The following ARHGEF3 variants were observed in gnomAD, a reference collection of about 807,000 sequenced individuals.
ARHGEF3 encodes the protein Rho guanine nucleotide exchange factor 3, also known as 59.8 kDA protein.
Under a neutral mutation model 63.2 loss-of-function variants are expected in ARHGEF3, and 28 were observed. That is an observed-to-expected ratio of 0.44 (90% confidence interval 0.33 to 0.61). The LOEUF (loss-of-function observed/expected upper bound fraction) is 0.61. Among genes scored for constraint, ARHGEF3 ranks in the 20% least tolerant of loss-of-function variants. ARHGEF3 has a pLI of 0.03. For missense variants in ARHGEF3, 533 were observed against 659.3 expected (o/e 0.81, Z 2.10); for synonymous variants, 266 against 254.2 (o/e 1.05, Z -0.44).
intron 2 of ARHGEF3, among the ~76,000 whole-genome samples, chr3:57,019,542 T>C (rs1703160542): frequency 6.6e-6 from 1 of 152,178 alleles, no homozygotes; most frequent in Admixed American, 6.5e-5. Context: ...GCAGAAAAGC[T>C]TGTCCCTTAA....
intron 2 of ARHGEF3, among the ~76,000 whole-genome samples, chr3:56,770,727 A>G (rs1355894158): frequency 2.0e-5 from 3 of 152,136 alleles, no homozygotes; most frequent in African/African-American, 7.2e-5. Flanking sequence ...ACATCGCTCA[A>G]TTCTCTCCAT....
chr3:57,052,606 A>C (rs977360625), intron 1 of ARHGEF3, among the ~76,000 whole-genome samples: 3 of 152,156 alleles, frequency 2.0e-5, no homozygotes, highest in Non-Finnish European at 4.4e-5. Context: ...CAGAGCCTAC[A>C]TTCTTAACCC....
chr3:57,018,007 C>T (rs958610233), intron 2 of ARHGEF3, among the ~76,000 whole-genome samples: 1 of 152,220 alleles, frequency 6.6e-6, no homozygotes, highest in Non-Finnish European at 1.5e-5. Flanking sequence ...AAGCCAGGTG[C>T]AGTGGCTCAC....
At chr3:56,863,070 T>C (rs1391855152) in intron 4 of ARHGEF3, among the ~76,000 whole-genome samples, 2 of 152,206 alleles carry the variant, frequency 1.3e-5, no homozygotes, top group African/African-American at 4.8e-5. Context: ...AAAGAAGGAC[T>C]TGAAGAAAGA....
At chr3:57,003,721 G>C (rs1196268628) in intron 2 of ARHGEF3, among the ~76,000 whole-genome samples, 3 of 152,196 alleles carry the variant, frequency 2.0e-5, no homozygotes, top group African/African-American at 7.2e-5. Flanking sequence ...CTCTGACAGG[G>C]AAGCAAGAAG....
intron 4 of ARHGEF3, among the ~76,000 whole-genome samples, chr3:56,818,488 C>T (rs2038350233): frequency 6.6e-6 from 1 of 152,146 alleles, no homozygotes. Context: ...ATACAGCAAG[C>T]ACTCTATAGA....
At chr3:57,069,035 C>T (rs1705728108) in intron 1 of ARHGEF3, among the ~76,000 whole-genome samples, 1 of 151,878 alleles carries the variant, frequency 6.6e-6, no homozygotes, top group African/African-American at 2.4e-5. Flanking sequence ...AATTCTCTGC[C>T]TCAGCCTCTC....
intron 1 of ARHGEF3, among the ~76,000 whole-genome samples, chr3:56,778,149 T>C (rs1270253506): frequency 6.6e-6 from 1 of 152,194 alleles, no homozygotes; most frequent in African/African-American, 2.4e-5. Context: ...AAACAAATAA[T>C]AATAATGAGC....
chr3:57,000,235 G>A (rs1037845472), intron 2 of ARHGEF3, among the ~76,000 whole-genome samples: 4 of 151,884 alleles, frequency 2.6e-5, no homozygotes, highest in Non-Finnish European at 5.9e-5. Context: ...TGACTTCTCA[G>A]TGCATCACAT....
intron 1 of ARHGEF3, among the ~76,000 whole-genome samples, chr3:57,061,595 A>G (rs999931613): frequency 3.9e-5 from 6 of 152,202 alleles, no homozygotes; most frequent in Non-Finnish European, 7.3e-5. Context: ...CGCTGCTGGG[A>G]ACATGGGAAT....
intron 2 of ARHGEF3, among the ~76,000 whole-genome samples, chr3:57,012,354 G>C (rs1465661384): frequency 6.6e-6 from 1 of 152,144 alleles, no homozygotes; most frequent in Non-Finnish European, 1.5e-5. Flanking sequence ...CACCTCCCGG[G>C]TTTAAGTGAT....
At chr3:56,773,962 G>A (rs976513627) in intron 1 of ARHGEF3, 146 bp from the exon 2 acceptor site, 45 of 641,768 alleles carry the variant, frequency 7.0e-5, no homozygotes, top group Admixed American at 1.2e-4. Flanking sequence ...CACTCTGGCT[G>A]TATGGAGATG....
rs34696155 is a variant in ARHGEF3 at position 57,034,656 on chromosome 3, C to CTTTT, written c.62+428_62+431dup. ...TGTGAAATTTTGCTAACTCCAAATT[C>CTTTT]TTTTTTTTTTTTTTTTTTTTGACAA... On this transcript the variant is annotated intron_variant, in intron 2 of 12. Transcript: ENST00000338458. Among the ~76,000 whole-genome samples, 165 of 109,504 alleles carry CTTTT rather than the reference C, an allele frequency of 1.5e-3. 4 individuals carry two copies. Among genetic ancestry groups the CTTTT allele is most frequent in the African/African-American group, 4.7e-3 (130 of 27,590 alleles). 71.8% of individuals were successfully genotyped at this position (109,504 alleles called of 152,430 possible).
At chr3:56,826,128 T>A (rs1365930262) in intron 4 of ARHGEF3, among the ~76,000 whole-genome samples, 1 of 152,074 alleles carries the variant, frequency 6.6e-6, no homozygotes, top group Non-Finnish European at 1.5e-5. Context: ...AGAGCATATC[T>A]GAGAATGAAA....
At chr3:56,750,935 C>A in intron 6 of ARHGEF3, 121 bp downstream of exon 6, 2 of 623,378 alleles carry the variant, frequency 3.2e-6, no homozygotes, top group Non-Finnish European at 2.4e-6. Flanking sequence ...ATTTTTTTTT[C>A]TGATGTGAAA....
At chr3:57,032,299 G>C (rs1234373590) in intron 2 of ARHGEF3, among the ~76,000 whole-genome samples, 2 of 152,216 alleles carry the variant, frequency 1.3e-5, no homozygotes, top group African/African-American at 4.8e-5. Flanking sequence ...TCATATGCTG[G>C]ACAGGGACAA....
At chr3:56,747,553 C>T (rs549294601) in intron 6 of ARHGEF3, among the ~76,000 whole-genome samples, 53 of 152,332 alleles carry the variant, frequency 3.5e-4, no homozygotes, top group African/African-American at 1.2e-3. Context: ...GTTAAAGAGA[C>T]TAGGCCGGGT....
At chr3:56,751,467 C>T in intron 4 of ARHGEF3, 71 bp from the exon 5 acceptor site, 2 of 1,314,966 alleles carry the variant, frequency 1.5e-6, no homozygotes, top group Non-Finnish European at 2.2e-6. Context: ...ATGTAAGTGG[C>T]TCCTGAGAGG....
At chr3:56,760,014 T>G (rs2035331367) in intron 2 of ARHGEF3, among the ~76,000 whole-genome samples, 1 of 152,242 alleles carries the variant, frequency 6.6e-6, no homozygotes, top group African/African-American at 2.4e-5. Context: ...ACAGACCTAT[T>G]GATTTAATCA....
Sources: gnomAD v4.1 joint callset for allele counts (sites outside exome capture counted in the v4.1 genomes callset) on GRCh38, gnomAD v4.1.1 for gene constraint, MANE v1.5 for transcripts, NCBI Gene and HGNC (gene_info 2026-07-23, HGNC 2026-07-21) for gene names.